Variants in IFNL1 observed in about 807,000 individuals in gnomAD.
IFNL1 encodes the protein interferon lambda 1, also known as interferon lambda-1.
Under a neutral mutation model 17.1 loss-of-function variants are expected in IFNL1, and 16 were observed. The observed-to-expected ratio is 0.93, with a 90% CI of 0.63 to 1.42. The LOEUF (loss-of-function observed/expected upper bound fraction) is 1.42. Ranked by LOEUF, IFNL1 falls within the 40% of genes most tolerant of loss-of-function variation. The probability of loss-of-function intolerance (pLI) is 0.00; values close to 1 mark genes in which losing one functional copy is unlikely to be tolerated. For missense variants in IFNL1, 262 were observed against 249.4 expected (o/e 1.05, Z -0.34); for synonymous variants, 104 against 111.4 (o/e 0.93, Z 0.42).
In IFNL1 at chr19:39,298,343, G is replaced by A. The variant is rs762983040; in HGVS notation, c.477+47G>A. 6 of 1,613,916 alleles carry A rather than the reference G, an allele frequency of 3.7e-6. No individual in the cohort carries two copies. In the South Asian group the frequency reaches 4.4e-5, roughly 12 times the overall value. On this transcript the variant is annotated intron_variant, in intron 4 of 4. Transcript: ENST00000333625. ...GGACCAGGGTCTGGGGAGCCAATAG[G>A]AGCCCAGACCCTGGACAGCCCCTGA...
chr19:39,298,005 G>A lies in IFNL1; in HGVS notation c.291G>A (p.Leu97=). The A allele has an allele frequency of 6.2e-7, 1 of 1,614,194 alleles. No individual in the cohort carries two copies. The highest frequency in any genetic ancestry group is 1.3e-5 in the African/African-American group (1 of 75,048). The change falls in exon 3 of 5, where the codon CTG becomes CTA. Residue 97 remains leucine, a synonymous_variant. Coordinates refer to ENST00000333625, the MANE Select transcript of IFNL1 (RefSeq NM_172140.2). ...RPVALEAELA[L]TLKVLEAAAG... ...TGGCCTTGGAGGCTGAGCTGGCCCT[G>A]ACGCTGAAGGTCCTGGAGGCCGCTG...
intron 2 of IFNL1, among the ~76,000 whole-genome samples, 173 bp from the exon 3 acceptor site, chr19:39,297,790 TC>T (rs563887266): frequency 1.3e-5 from 2 of 148,436 alleles, no homozygotes; most frequent in Non-Finnish European, 3.0e-5. Context: ...CCATCCTGCC[TC>T]ACCTGTATCC....
rs2075105177 is a variant in IFNL1 at position 39,297,959 on chromosome 19, C to T, written c.250-5C>T. 6.2e-7 allele frequency: 1 copy of T among 1,614,016 alleles called. No homozygotes were observed. The highest frequency in any genetic ancestry group is 8.5e-7 in the Non-Finnish European group (1 of 1,180,024). On this transcript the variant is annotated splice_polypyrimidine_tract_variant and splice_region_variant and intron_variant, in intron 2 of 4. Coordinates refer to ENST00000333625, the MANE Select transcript of IFNL1 (RefSeq NM_172140.2). The stretch of plus-strand genomic sequence containing the variant: ...CCTCACCTGCTCTTTCTCACCTCTC[C>T]TCAGGTGAGGGAGCGCCCTGTGGCC...
rs1369387448 is a variant in IFNL1, at chr19:39,298,480, G to T, written c.567G>T (p.Leu189=). ...TCAAATATGTGGCCGATGGGAACCTGTGTCTGAGAACGTCAACCCACCCTG... is the reference window on the plus strand; with the variant it reads ...TCAAATATGTGGCCGATGGGAACCTTTGTCTGAGAACGTCAACCCACCCTG... ...RDLKYVADGN[L]CLRTSTHPES... Residue 189 remains leucine, a synonymous_variant, in exon 5 of 5, where the codon CTG becomes CTT. Transcript: ENST00000333625. The T allele has an allele frequency of 6.2e-7, 1 of 1,614,172 alleles. No homozygotes were observed. Among genetic ancestry groups the T allele is most frequent in the South Asian group, 1.1e-5 (1 of 91,086 alleles).
rs200267182 is a variant in IFNL1, at chr19:39,296,514, G to A, written c.93G>A (p.Gly31=). Residue 31 remains glycine (G), a synonymous_variant, in exon 1 of 5, where the codon GGG becomes GGA. Transcript: ENST00000333625. ...CCACTTCCAAGCCCACCACAACTGG[G>A]AAGGGCTGCCACATTGGCAGGTTCA... ...PVPTSKPTTT[G]KGCHIGRFKS... 1.2e-6 allele frequency: 2 copies of A among 1,613,798 alleles called. No homozygotes were observed. The highest frequency in any genetic ancestry group is 2.2e-5 in the East Asian group (1 of 44,862).
At chr19:39,297,851 G>A (rs2075104772) in intron 2 of IFNL1, 113 bp from the exon 3 acceptor site, 2 of 1,327,780 alleles carry the variant, frequency 1.5e-6, no homozygotes. Context: ...CCCCTCACCT[G>A]TCCCCACCAC....
rs760547952 is a variant in IFNL1 at position 39,296,555 on chromosome 19, A to T, written c.134A>T (p.Gln45Leu). 4 of 1,613,704 alleles carry T rather than the reference A, an allele frequency of 2.5e-6. No homozygotes were observed. Among genetic ancestry groups the T allele is most frequent in the Non-Finnish European group, 3.4e-6 (4 of 1,179,922 alleles). ...HIGRFKSLSP[Q>L]ELASFKKARD... ...GGCAGGTTCAAATCTCTGTCACCAC[A>T]GGAGCTAGCGAGCTTCAAGAAGGCC... The change falls in exon 1 of 5, where the codon CAG becomes CTG. Residue 45 changes from glutamine to leucine, a missense_variant. Gln to Leu is a moderately radical substitution (Grantham distance 113). Coordinates refer to ENST00000333625, the MANE Select transcript of IFNL1 (RefSeq NM_172140.2).
chr19:39,298,023 G>T lies in IFNL1; in HGVS notation c.309G>T (p.Glu103Asp). 1 of 1,614,202 alleles carries T rather than the reference G, an allele frequency of 6.2e-7. No homozygotes were observed. The highest frequency in any genetic ancestry group is 1.1e-5 in the South Asian group (1 of 91,082). Residue 103 changes from glutamate (E) to aspartate (D), a missense_variant, in exon 3 of 5, where the codon GAG becomes GAT. Physicochemically the swap from Glu to Asp is conservative, Grantham distance 45. Coordinates refer to ENST00000333625, the MANE Select transcript of IFNL1 (RefSeq NM_172140.2). ...TGGCCCTGACGCTGAAGGTCCTGGA[G>T]GCCGCTGCTGGCCCAGCCCTGGAGG... ...AELALTLKVL[E>D]AAAGPALEDV... is the part of the protein sequence containing the mutation.
chr19:39,297,926 C>T (rs750305146), intron 2 of IFNL1, 38 bp from the exon 3 acceptor site: 10 of 1,612,832 alleles, frequency 6.2e-6, no homozygotes, highest in Non-Finnish European at 6.8e-6. Context: ...GTCTTCTTGC[C>T]TGTTCTCCCT....
At chr19:39,297,310 CTTTTTTTT>C (rs59725017) in intron 2 of IFNL1, among the ~76,000 whole-genome samples, 1 of 93,014 alleles carries the variant, frequency 1.1e-5, no homozygotes, top group African/African-American at 5.3e-5. Context: ...CCACCCTTCT[CTTTTTTTT>C]TTTTTTTTTT....
At chr19:39,296,776 G>C (rs1266486567) in intron 1 of IFNL1, 29 bp from the exon 2 acceptor site, 3 of 1,600,750 alleles carry the variant, frequency 1.9e-6, no homozygotes, top group Non-Finnish European at 2.6e-6. Context: ...CCATCCTGCT[G>C]TGGGCTAACC....
intron 1 of IFNL1, 45 bp downstream of exon 1, chr19:39,296,637 A>G: frequency 6.4e-7 from 1 of 1,573,288 alleles, no homozygotes; most frequent in South Asian, 1.2e-5. Context: ...CGGGTGTCCC[A>G]ATTACTGCCC....
At position 39,298,260 on chromosome 19, in the gene IFNL1, C is replaced by A; in HGVS notation, c.441C>A (p.His147Gln). ...GGCCCAGGCCCCGGGGCCGCCTCCA[C>A]CACTGGCTGCACCGGCTCCAGGAGG... ...TAGPRPRGRL[H>Q]HWLHRLQEAP... Residue 147 changes from histidine to glutamine, a missense_variant, in exon 4 of 5, where the codon CAC (histidine) becomes CAA (glutamine). His to Gln is a conservative substitution (Grantham distance 24). Transcript: ENST00000333625. 2 of 1,614,138 alleles carry A rather than the reference C, an allele frequency of 1.2e-6. No individual in the cohort carries two copies. Among genetic ancestry groups the A allele is most frequent in the East Asian group, 4.5e-5 (2 of 44,870 alleles).
chr19:39,297,125 C>T (rs552456774), intron 2 of IFNL1, among the ~76,000 whole-genome samples: 93 of 152,048 alleles, frequency 6.1e-4, no homozygotes, highest in Middle Eastern at 3.4e-3. Context: ...CTTCCACTCT[C>T]ACTCTTCATT....
At chr19:39,297,898 C>T in intron 2 of IFNL1, 66 bp from the exon 3 acceptor site, 2 of 1,598,446 alleles carry the variant, frequency 1.3e-6, no homozygotes, top group Non-Finnish European at 1.7e-6. Context: ...GGACTGCCTA[C>T]CTGTCCCCAC....
rs770399748 is a variant in IFNL1, at chr19:39,298,047, G to A, written c.333G>A (p.Glu111=). 1.5e-5 allele frequency: 24 copies of A among 1,614,062 alleles called. No individual in the cohort carries two copies. Among genetic ancestry groups the A allele is most frequent in the Admixed American group, 5.0e-5 (3 of 60,002 alleles). ...AGGCCGCTGCTGGCCCAGCCCTGGA[G>A]GACGTCCTAGACCAGCCCCTTCACA... is the stretch of plus-strand genomic sequence containing the variant. ...VLEAAAGPAL[E]DVLDQPLHTL... is the part of the protein sequence containing the mutation. Residue 111 remains glutamate, a synonymous_variant, in exon 3 of 5, where the codon GAG becomes GAA. Transcript: ENST00000333625.
Position 39,296,552 on chromosome 19 carries a change from C to T in IFNL1, c.131C>T (p.Pro44Leu). Reference sequence around the variant, plus strand: ...ATTGGCAGGTTCAAATCTCTGTCACCACAGGAGCTAGCGAGCTTCAAGAAG... The same window carrying T: ...ATTGGCAGGTTCAAATCTCTGTCACTACAGGAGCTAGCGAGCTTCAAGAAG... ...CHIGRFKSLS[P>L]QELASFKKAR... The change falls in exon 1 of 5, where the codon CCA (proline) becomes CTA (leucine). Residue 44 changes from proline to leucine, a missense_variant. Coordinates refer to ENST00000333625, the MANE Select transcript of IFNL1 (RefSeq NM_172140.2). 2 of 1,613,534 alleles carry T rather than the reference C, an allele frequency of 1.2e-6. No individual in the cohort carries two copies. Among genetic ancestry groups the T allele is most frequent in the Non-Finnish European group, 1.7e-6 (2 of 1,179,904 alleles).
At chr19:39,296,951 T>C in intron 2 of IFNL1, 69 bp downstream of exon 2, 1 of 1,162,618 alleles carries the variant, frequency 8.6e-7, no homozygotes, top group South Asian at 1.3e-5. Context: ...AGTGGCCCCT[T>C]AGCCTTCTTT....
Position 39,296,802 on chromosome 19 carries a change from T to C in IFNL1, c.172-3T>C, listed in dbSNP as rs2075100628. 6.2e-7 allele frequency: 1 copy of C among 1,613,592 alleles called. No individual in the cohort carries two copies. Among genetic ancestry groups the C allele is most frequent in the Non-Finnish European group, 8.5e-7 (1 of 1,179,520 alleles). On this transcript the variant is annotated splice_region_variant and splice_polypyrimidine_tract_variant and intron_variant, in intron 1 of 4. Transcript: ENST00000333625. ...TGGGCTAACCCCTGCCCTTGCTCTC[T>C]AGGAAGAGTCACTCAAGCTGAAAAA...
Sources: allele counts gnomAD v4.1 joint callset (sites outside exome capture counted in the v4.1 genomes callset), GRCh38; gene constraint gnomAD v4.1.1; transcripts MANE v1.5; gene names NCBI Gene and HGNC (gene_info 2026-07-23, HGNC 2026-07-21).